Variants in MEIS2 observed in about 807,000 individuals in gnomAD.
MEIS2 encodes Meis homeobox 2, also known as homeobox protein Meis2.
A neutral mutation model predicts 58.6 loss-of-function variants in MEIS2; 9 were observed. The observed-to-expected ratio is 0.15, with a 90% confidence interval of 0.09 to 0.27. The LOEUF is 0.27. Ranked by LOEUF, MEIS2 falls within the 10% of genes least tolerant of loss-of-function variation. The probability of loss-of-function intolerance (pLI) is 1.00; values close to 1 mark genes in which losing one functional copy is unlikely to be tolerated. For synonymous variants in MEIS2, 221 were observed against 228.4 expected (o/e 0.97, Z 0.29); for missense variants, 427 against 635.0 (o/e 0.67, Z 3.52).
At chr15:36,926,144 TATTTC>T (rs2057737804) in intron 9 of MEIS2, among the ~76,000 whole-genome samples, 1 of 152,146 alleles carries the variant, frequency 6.6e-6, no homozygotes, top group African/African-American at 2.4e-5. Context: ...AATGAAAGTA[TATTTC>T]ATTTCCTTTT....
At chr15:36,998,236 G>GTT (rs5811954) in intron 8 of MEIS2, among the ~76,000 whole-genome samples, 16,916 of 66,480 alleles carry the variant, frequency 0.25, 1,776 homozygotes, top group South Asian at 0.4. Context: ...AAAACACAAA[G>GTT]TTTTTTTTTT....
intron 8 of MEIS2, among the ~76,000 whole-genome samples, chr15:37,031,286 A>G (rs1172322204): frequency 1.3e-5 from 2 of 152,168 alleles, no homozygotes; most frequent in Admixed American, 1.3e-4. Context: ...TAACCTCGAC[A>G]TTGGACTGCC....
At chr15:37,082,918 C>T (rs149795868) in intron 7 of MEIS2, among the ~76,000 whole-genome samples, 2,214 of 152,116 alleles carry the variant, frequency 0.015, 29 homozygotes, top group Non-Finnish European at 0.02. Context: ...ACTTAAATAT[C>T]GTGGCCATAA....
At chr15:36,974,098 A>T (rs958116129) in intron 8 of MEIS2, among the ~76,000 whole-genome samples, 3 of 152,222 alleles carry the variant, frequency 2.0e-5, no homozygotes, top group Admixed American at 1.3e-4. Flanking sequence ...GAGTGTCACC[A>T]AACTTTCAGG....
chr15:36,929,865 C>T (rs1326439641), intron 9 of MEIS2, among the ~76,000 whole-genome samples: 1 of 152,046 alleles, frequency 6.6e-6, no homozygotes, highest in Non-Finnish European at 1.5e-5. Flanking sequence ...GACAACTCAG[C>T]AGAAAATATC....
intron 9 of MEIS2, among the ~76,000 whole-genome samples, chr15:36,921,606 A>T (rs1319917438): frequency 2.0e-5 from 3 of 152,186 alleles, no homozygotes; most frequent in Non-Finnish European, 4.4e-5. Flanking sequence ...GTTCACCCAA[A>T]GTGTGCCCCC....
At chr15:37,072,872 AAG>A (rs2141879223) in intron 7 of MEIS2, among the ~76,000 whole-genome samples, 1 of 152,010 alleles carries the variant, frequency 6.6e-6, no homozygotes, top group South Asian at 2.1e-4. Flanking sequence ...GAATTTTGTG[AAG>A]ACTTCCACAG....
At chr15:37,004,202 C>T (rs947851848) in intron 8 of MEIS2, among the ~76,000 whole-genome samples, 5 of 152,168 alleles carry the variant, frequency 3.3e-5, no homozygotes, top group Non-Finnish European at 7.3e-5. Context: ...TACTTTTAAA[C>T]AGGTTATGAA....
intron 1 of MEIS2, chr15:37,098,580 T>G: frequency 7.6e-6 from 2 of 263,886 alleles, no homozygotes; most frequent in Non-Finnish European, 1.2e-5. Context: ...GAGCAACGTT[T>G]AGAGAAGGAA....
chr15:36,965,840 C>G (rs886760004), intron 8 of MEIS2, among the ~76,000 whole-genome samples: 1 of 151,496 alleles, frequency 6.6e-6, no homozygotes, highest in Admixed American at 6.6e-5. Flanking sequence ...TTGACAAGTC[C>G]AAGAAAAAAA....
rs2056179103 is a variant in MEIS2 at position 36,896,420 on chromosome 15, G to T, written c.1036+208C>A. On this transcript the variant is annotated intron_variant, in intron 10 of 11. Coordinates refer to ENST00000561208, the MANE Select transcript of MEIS2 (RefSeq NM_170675.5). ...TACCAATTCAGAAAGAAAATAAAAA[G>T]CAGTGTCAGTAGAGTCAGGGTGGGA... Among the ~76,000 whole-genome samples, 3 of 152,080 alleles carry T rather than the reference G, an allele frequency of 2.0e-5. No individual in the cohort carries two copies. In the South Asian group the frequency reaches 6.2e-4, roughly 32 times the overall value.
intron 9 of MEIS2, among the ~76,000 whole-genome samples, chr15:36,908,427 G>T (rs2056845744): frequency 6.6e-6 from 1 of 152,108 alleles, no homozygotes; most frequent in South Asian, 2.1e-4. Flanking sequence ...CGATTTGTGA[G>T]AAATAGAGAC....
intron 8 of MEIS2, among the ~76,000 whole-genome samples, chr15:36,954,508 T>C (rs1289384188): frequency 1.3e-5 from 2 of 149,332 alleles, no homozygotes; most frequent in Non-Finnish European, 3.0e-5. Flanking sequence ...TTAACTATAA[T>C]TTATATACTT....
intron 9 of MEIS2, among the ~76,000 whole-genome samples, chr15:36,949,927 G>A (rs958298447): frequency 2.0e-5 from 3 of 152,066 alleles, no homozygotes; most frequent in Non-Finnish European, 4.4e-5. Context: ...CAAGACAAAA[G>A]AATCCTTTCC....
intron 8 of MEIS2, among the ~76,000 whole-genome samples, chr15:36,963,462 C>T (rs1265080429): frequency 6.6e-6 from 1 of 151,696 alleles, no homozygotes; most frequent in Non-Finnish European, 1.5e-5. Context: ...CCATTTAGCA[C>T]CAAGTCTGAC....
At position 37,097,978 on chromosome 15, in the gene MEIS2, G is replaced by A. The variant is rs1304041360; in HGVS notation, c.234C>T (p.Asp78=). 5 of 1,600,252 alleles carry A rather than the reference G, an allele frequency of 3.1e-6. No individual in the cohort carries two copies. Among genetic ancestry groups the A allele is most frequent in the Non-Finnish European group, 4.3e-6 (5 of 1,171,320 alleles). The change falls in exon 2 of 12, where the codon GAC becomes GAT. Residue 78 remains aspartate, a synonymous_variant. Coordinates refer to ENST00000561208, the MANE Select transcript of MEIS2 (RefSeq NM_170675.5). ...GGGGGTCAGTTTACCCATAGATCGC[G>A]TCCTTGTCCCGCTTCAAGGCGTCGT... ...AVNDALKRDK[D]AIYGHPLFPL... is the part of the protein sequence containing the mutation.
At chr15:36,925,024 C>G (rs918954899) in intron 9 of MEIS2, among the ~76,000 whole-genome samples, 7 of 152,166 alleles carry the variant, frequency 4.6e-5, no homozygotes, top group Non-Finnish European at 8.8e-5. Context: ...GGGCAGCACA[C>G]TCACCTCGGG....
chr15:37,061,479 C>A (rs138129627), intron 7 of MEIS2, among the ~76,000 whole-genome samples: 1 of 152,208 alleles, frequency 6.6e-6, no homozygotes, highest in East Asian at 1.9e-4. Context: ...ACATATAGGT[C>A]TTTAGGGTAA....
At chr15:37,057,926 G>A (rs1161805929) in intron 7 of MEIS2, among the ~76,000 whole-genome samples, 1 of 152,096 alleles carries the variant, frequency 6.6e-6, no homozygotes, top group Non-Finnish European at 1.5e-5. Context: ...TATATAAATG[G>A]CCATTATAAA....
Sources: gnomAD v4.1 joint callset for allele counts (sites outside exome capture counted in the v4.1 genomes callset) on GRCh38, gnomAD v4.1.1 for gene constraint, MANE v1.5 for transcripts, NCBI Gene and HGNC (gene_info 2026-07-23, HGNC 2026-07-21) for gene names.